The following ANKRD13C variants were observed in gnomAD, a reference collection of about 807,000 sequenced individuals.
The protein encoded by ANKRD13C is ankyrin repeat domain-containing protein 13C.
Under a neutral mutation model 65.5 loss-of-function variants are expected in ANKRD13C, and 16 were observed. The observed-to-expected ratio is 0.24, with a 90% CI of 0.17 to 0.37. ANKRD13C has a LOEUF of 0.37. Ranked by LOEUF, ANKRD13C falls within the 10% of genes least tolerant of loss-of-function variation. ANKRD13C has a pLI of 1.00. For missense variants in ANKRD13C, 503 were observed against 655.9 expected, an observed-to-expected ratio of 0.77 and a Z score of 2.55; for synonymous variants, 235 against 238.7, an observed-to-expected ratio of 0.98 and a Z score of 0.14.
intron 9 of ANKRD13C, among the ~76,000 whole-genome samples, chr1:70,277,559 T>A (rs766278332): frequency 1.3e-5 from 2 of 149,516 alleles, no homozygotes; most frequent in Non-Finnish European, 3.0e-5. Flanking sequence ...TAAAAGAGCA[T>A]ATTATTAAAG....
chr1:70,302,043 C>T (rs1480662097), intron 6 of ANKRD13C, among the ~76,000 whole-genome samples: 3 of 152,176 alleles, frequency 2.0e-5, no homozygotes, highest in African/African-American at 4.8e-5. Context: ...TTTCAGTTCT[C>T]ATCACAGACA....
intron 1 of ANKRD13C, among the ~76,000 whole-genome samples, chr1:70,338,124 T>G (rs114181137): frequency 0.018 from 2,664 of 152,172 alleles, 82 homozygotes; most frequent in African/African-American, 0.06. Flanking sequence ...AAAGCATCTT[T>G]CATTATAGGC....
intron 6 of ANKRD13C, among the ~76,000 whole-genome samples, chr1:70,302,999 G>A (rs1276052926): frequency 6.6e-6 from 1 of 152,102 alleles, no homozygotes; most frequent in Non-Finnish European, 1.5e-5. Flanking sequence ...ATGAAAAGGT[G>A]AGTAAAGAGA....
intron 9 of ANKRD13C, among the ~76,000 whole-genome samples, chr1:70,291,883 C>T (rs1679882981): frequency 6.6e-6 from 1 of 151,982 alleles, no homozygotes; most frequent in Non-Finnish European, 1.5e-5. Context: ...CTTTGGGAGG[C>T]TGAGGCAGGC....
chr1:70,270,935 T>G lies in ANKRD13C; in HGVS notation c.1416A>C (p.Val472=), dbSNP rs1027555248. The change falls in exon 12 of 13, where the codon GTA becomes GTC. Residue 472 remains valine, a synonymous_variant. Coordinates refer to ENST00000370944, the MANE Select transcript of ANKRD13C (RefSeq NM_030816.5). The stretch of plus-strand genomic sequence containing the variant: ...TGTTAAAGTGCTTGAAGGGAGCTAC[T>G]ACTTCTAAAACATTCAATAATCTGA... ...GIELLLNVLE[V]VAPFKHFNKL... 9 of 1,610,754 alleles carry G rather than the reference T, an allele frequency of 5.6e-6. No individual in the cohort carries two copies. The highest frequency in any genetic ancestry group is 7.6e-6 in the Non-Finnish European group (9 of 1,177,354).
chr1:70,287,761 C>T (rs186587922), intron 9 of ANKRD13C, among the ~76,000 whole-genome samples: 10 of 152,186 alleles, frequency 6.6e-5, no homozygotes, highest in Admixed American at 3.9e-4. Context: ...AATCCCAGCA[C>T]TTTGGGAAGC....
In ANKRD13C at chr1:70,260,268, C is replaced by T. The variant is rs1309129932; in HGVS notation, c.*2449G>A. On this transcript the variant is annotated 3_prime_UTR_variant, in exon 13 of 13. Transcript: ENST00000370944. ...GCAATTCTCTGTATGTGAATATCTA[C>T]AGAGGGCAAATTGTCTCATCAGAGA... Among the ~76,000 whole-genome samples, 3 of 152,158 alleles carry T rather than the reference C, an allele frequency of 2.0e-5. No individual in the cohort carries two copies. Among genetic ancestry groups the T allele is most frequent in the African/African-American group, 7.2e-5 (3 of 41,460 alleles).
At chr1:70,328,479 A>G (rs532768722) in intron 2 of ANKRD13C, among the ~76,000 whole-genome samples, 9 of 152,170 alleles carry the variant, frequency 5.9e-5, no homozygotes, top group Non-Finnish European at 1.3e-4. Flanking sequence ...CCTGGCCAAC[A>G]TGGTGAAACC....
intron 9 of ANKRD13C, among the ~76,000 whole-genome samples, chr1:70,291,364 T>C (rs1679860530): frequency 6.6e-6 from 1 of 152,202 alleles, no homozygotes; most frequent in African/African-American, 2.4e-5. Context: ...ATTCTTTGTA[T>C]GACTCTAGTA....
intron 9 of ANKRD13C, among the ~76,000 whole-genome samples, chr1:70,289,007 G>A (rs547115547): frequency 1.3e-5 from 2 of 152,226 alleles, no homozygotes; most frequent in Admixed American, 6.5e-5. Context: ...TGTTGAAATT[G>A]ATTTATCTAC....
intron 9 of ANKRD13C, among the ~76,000 whole-genome samples, chr1:70,291,115 C>G (rs1679848799): frequency 6.6e-6 from 1 of 152,012 alleles, no homozygotes; most frequent in African/African-American, 2.4e-5. Context: ...TCCACAACCT[C>G]CACCTCCCAG....
chr1:70,295,229 ATTTATTTTTATT>A (rs936780586), intron 8 of ANKRD13C, among the ~76,000 whole-genome samples: 15 of 151,846 alleles, frequency 9.9e-5, no homozygotes, highest in African/African-American at 3.1e-4. Context: ...AGCTCATTCA[ATTTATTTTTATT>A]TTTATTTTTA....
chr1:70,309,732 A>AAAAAAAAAAT (rs1553248051), intron 5 of ANKRD13C, among the ~76,000 whole-genome samples: 1 of 107,098 alleles, frequency 9.3e-6, no homozygotes, highest in East Asian at 2.8e-4. Context: ...AAAAAAAAAA[A>AAAAAAAAAAT]AATAATAATA....
At chr1:70,287,027 T>C (rs1158763799) in intron 9 of ANKRD13C, among the ~76,000 whole-genome samples, 6 of 151,818 alleles carry the variant, frequency 4.0e-5, no homozygotes, top group African/African-American at 1.2e-4. Context: ...CTATAGAATA[T>C]ATAAACATAG....
intron 4 of ANKRD13C, among the ~76,000 whole-genome samples, chr1:70,314,033 AAT>A (rs1163122645): frequency 6.7e-6 from 1 of 150,248 alleles, no homozygotes; most frequent in Non-Finnish European, 1.5e-5. Context: ...TAACAATAAT[AAT>A]AAATATTATT....
intron 3 of ANKRD13C, among the ~76,000 whole-genome samples, chr1:70,319,435 G>A (rs1234139054): frequency 1.3e-5 from 2 of 151,910 alleles, no homozygotes; most frequent in Admixed American, 6.6e-5. Flanking sequence ...GTGAAACCCC[G>A]TCTCTACTAA....
intron 10 of ANKRD13C, 106 bp downstream of exon 10, chr1:70,276,659 C>A: frequency 2.2e-6 from 2 of 916,850 alleles, no homozygotes; most frequent in South Asian, 1.6e-5. Context: ...AAAAATATAC[C>A]AATAATTCTC....
intron 2 of ANKRD13C, among the ~76,000 whole-genome samples, chr1:70,331,138 T>C (rs1184787355): frequency 7.2e-5 from 11 of 152,232 alleles, no homozygotes; most frequent in Non-Finnish European, 1.0e-4. Flanking sequence ...GTTGTGTTTA[T>C]AGACAAGTAC....
intron 2 of ANKRD13C, among the ~76,000 whole-genome samples, chr1:70,331,106 C>A (rs564577206): frequency 1.8e-4 from 27 of 152,168 alleles, no homozygotes; most frequent in African/African-American, 6.3e-4. Context: ...CAAAATATTA[C>A]GTGAACGCCC....
Sources: gnomAD v4.1 joint callset for allele counts (sites outside exome capture counted in the v4.1 genomes callset) on GRCh38, gnomAD v4.1.1 for gene constraint, MANE v1.5 for transcripts, NCBI Gene and HGNC (gene_info 2026-07-23, HGNC 2026-07-21) for gene names.